Variants in GLIPR1L2 observed in about 807,000 individuals in gnomAD.
GLIPR1L2 encodes the protein GLIPR1-like protein 2.
GLIPR1L2 carries 21 observed loss-of-function variants against 28.4 expected under a neutral mutation model. That is an observed-to-expected ratio of 0.74 (90% CI 0.52 to 1.06). The LOEUF (loss-of-function observed/expected upper bound fraction) is 1.06, where lower values mean the gene tolerates loss of function less well. Among genes scored for constraint, GLIPR1L2 ranks in the 50% least tolerant of loss-of-function variants. The pLI is 0.00. For missense variants in GLIPR1L2, 476 were observed against 416.9 expected, an observed-to-expected ratio of 1.14 and a Z score of -1.23; for synonymous variants, 145 against 139.3, an observed-to-expected ratio of 1.04 and a Z score of -0.29.
At position 75,423,545 on chromosome 12, in the gene GLIPR1L2, G is replaced by A. The variant is rs112405434; in HGVS notation, c.670+556G>A. On this transcript the variant is annotated intron_variant, in intron 4 of 5. Coordinates refer to ENST00000550916, the MANE Select transcript of GLIPR1L2 (RefSeq NM_001270396.2). ...AGGAATATGGTAGGAGATAAATTTG[G>A]ATAATAAGTAAATAGCATATTATGT... 494 of 700,288 alleles carry A rather than the reference G, an allele frequency of 7.1e-4. 3 individuals carry two copies. The African/African-American group carries it at 9.0e-3, about 13-fold the overall frequency. The allele number at this position is 700,288 out of a possible 1,614,324, so 43.4% of individuals were successfully genotyped here.
At chr12:75,413,766 C>A in intron 3 of GLIPR1L2, 65 bp downstream of exon 3, 1 of 709,878 alleles carries the variant, frequency 1.4e-6, no homozygotes, top group Non-Finnish European at 2.3e-6. Flanking sequence ...GTTTTTCTAA[C>A]TTTTAATATA....
At chr12:75,395,767 T>C (rs2045675773) in intron 1 of GLIPR1L2, among the ~76,000 whole-genome samples, 1 of 152,070 alleles carries the variant, frequency 6.6e-6, no homozygotes, top group African/African-American at 2.4e-5. Context: ...CTTTATTTCT[T>C]ACTCAGTCTT....
intron 1 of GLIPR1L2, among the ~76,000 whole-genome samples, chr12:75,408,433 AAATAAT>A (rs10532059): frequency 6.6e-6 from 1 of 151,072 alleles, no homozygotes; most frequent in African/African-American, 2.4e-5. Flanking sequence ...GGGAAAACAG[AAATAAT>A]AATAATAATA....
At chr12:75,418,814 G>A (rs1470420148) in intron 3 of GLIPR1L2, among the ~76,000 whole-genome samples, 1 of 152,126 alleles carries the variant, frequency 6.6e-6, no homozygotes, top group African/African-American at 2.4e-5. Flanking sequence ...CCATGAGTTT[G>A]GAATGTTTTC....
At position 75,431,463 on chromosome 12, in the gene GLIPR1L2, G is replaced by C; in HGVS notation, c.*302G>C. 2 of 245,710 alleles carry C rather than the reference G, an allele frequency of 8.1e-6. No individual in the cohort carries two copies. The highest frequency in any genetic ancestry group is 1.4e-4 in the East Asian group (2 of 13,998). 15.2% of individuals were successfully genotyped at this position (245,710 alleles called of 1,614,324 possible). The stretch of plus-strand genomic sequence containing the variant: ...CTAATTAATCTTAAGATTTCACCAT[G>C]TTATTCTAATAAAGTAGGGAATTTT... On this transcript the variant is annotated 3_prime_UTR_variant, in exon 6 of 6. Transcript: ENST00000550916.
intron 1 of GLIPR1L2, among the ~76,000 whole-genome samples, chr12:75,408,081 A>G (rs529510089): frequency 1.3e-5 from 2 of 152,220 alleles, no homozygotes; most frequent in South Asian, 2.1e-4. Flanking sequence ...GTATGGATTC[A>G]GCTTTTCTAG....
chr12:75,391,509 A>ACTCT, intron 1 of GLIPR1L2, 159 bp downstream of exon 1: 1 of 1,536,396 alleles, frequency 6.5e-7, no homozygotes, highest in South Asian at 1.2e-5. Flanking sequence ...ACACAGAGAA[A>ACTCT]AACTGCGGAC....
intron 1 of GLIPR1L2, among the ~76,000 whole-genome samples, chr12:75,394,047 C>A (rs1305187134): frequency 6.6e-6 from 1 of 151,926 alleles, no homozygotes; most frequent in East Asian, 1.9e-4. Flanking sequence ...TGCTTCTTGA[C>A]CAAGATTTTC....
intron 1 of GLIPR1L2, among the ~76,000 whole-genome samples, chr12:75,403,631 A>G (rs980240840): frequency 1.3e-5 from 2 of 152,104 alleles, no homozygotes; most frequent in Non-Finnish European, 2.9e-5. Context: ...ATCTCTGCAC[A>G]CTGGCTCCTC....
intron 4 of GLIPR1L2, among the ~76,000 whole-genome samples, chr12:75,427,566 C>T (rs11829233): frequency 0.35 from 53,008 of 151,938 alleles, 9,617 homozygotes; most frequent in East Asian, 0.46. Context: ...GGGTTCTCTA[C>T]GTGAGAACTC....
chr12:75,399,794 A>C (rs2045719852), intron 1 of GLIPR1L2, among the ~76,000 whole-genome samples: 1 of 152,238 alleles, frequency 6.6e-6, no homozygotes, highest in South Asian at 2.1e-4. Context: ...GTCAAAGACC[A>C]TGCCTACTCC....
intron 1 of GLIPR1L2, among the ~76,000 whole-genome samples, chr12:75,399,672 G>C (rs55742134): frequency 0.2 from 30,919 of 151,972 alleles, 3,621 homozygotes; most frequent in African/African-American, 0.3. Context: ...TATGTTCCCA[G>C]TTTGTCAGTT....
intron 1 of GLIPR1L2, among the ~76,000 whole-genome samples, chr12:75,407,286 T>C (rs2045814065): frequency 6.6e-6 from 1 of 152,126 alleles, no homozygotes; most frequent in Non-Finnish European, 1.5e-5. Flanking sequence ...AATATTTTTT[T>C]CTTCAATAAT....
chr12:75,416,625 G>T (rs1220852642), intron 3 of GLIPR1L2, among the ~76,000 whole-genome samples: 1 of 152,056 alleles, frequency 6.6e-6, no homozygotes. Context: ...ATTGAGGAAG[G>T]AGAACTGACA....
At chr12:75,397,652 C>T (rs1002262592) in intron 1 of GLIPR1L2, among the ~76,000 whole-genome samples, 1 of 152,006 alleles carries the variant, frequency 6.6e-6, no homozygotes, top group African/African-American at 2.4e-5. Context: ...TTTGGGTATT[C>T]TCAGCATATA....
intron 1 of GLIPR1L2, among the ~76,000 whole-genome samples, chr12:75,408,608 C>T (rs1203674803): frequency 6.6e-6 from 1 of 151,952 alleles, no homozygotes; most frequent in Non-Finnish European, 1.5e-5. Context: ...AAATAGGAAA[C>T]AATCTAAAGG....
In GLIPR1L2 at chr12:75,403,962, T is replaced by TA. The variant is rs548193968; in HGVS notation, c.235-6467dup. Among the ~76,000 whole-genome samples, 173 of 152,292 alleles carry TA rather than the reference T, an allele frequency of 1.1e-3. 2 individuals are homozygous for TA. The highest frequency in any genetic ancestry group is 1.8e-3 in the Non-Finnish European group (123 of 68,024). ...TTTGATTTTCCCACAGTCTTTCACCTAAAAAGTAGTTCACAGTGTCTGTGA... is the reference window on the plus strand; with the variant it reads ...TTTGATTTTCCCACAGTCTTTCACCTAAAAAAGTAGTTCACAGTGTCTGTGA... On this transcript the variant is annotated intron_variant, in intron 1 of 5. Coordinates refer to ENST00000550916, the MANE Select transcript of GLIPR1L2 (RefSeq NM_001270396.2).
intron 2 of GLIPR1L2, among the ~76,000 whole-genome samples, chr12:75,412,068 G>T (rs1411700093): frequency 6.6e-6 from 1 of 151,950 alleles, no homozygotes; most frequent in Non-Finnish European, 1.5e-5. Context: ...AAGAGAAGGA[G>T]AAATGCCAAT....
intron 3 of GLIPR1L2, 25 bp from the exon 4 acceptor site, chr12:75,422,870 TCTAACTAAA>T: frequency 6.5e-7 from 1 of 1,543,116 alleles, no homozygotes; most frequent in Non-Finnish European, 8.8e-7. Flanking sequence ...GGAAGCTTAT[TCTAACTAAA>T]TGTTTTCTGC....
Sources: gnomAD v4.1 joint callset for allele counts (sites outside exome capture counted in the v4.1 genomes callset) on GRCh38, gnomAD v4.1.1 for gene constraint, MANE v1.5 for transcripts, NCBI Gene and HGNC (gene_info 2026-07-23, HGNC 2026-07-21) for gene names.